GRIK1: variants seen among roughly 807,000 people sequenced by gnomAD.
GRIK1 encodes glutamate receptor ionotropic, kainate 1.
In GRIK1, 69 loss-of-function variants were observed where a neutral mutation model predicts 105.7. The ratio of observed to expected loss-of-function variants is 0.65; its 90% CI spans 0.54 to 0.80. The LOEUF is 0.80. Among genes scored for constraint, GRIK1 ranks in the 30% least tolerant of loss-of-function variants. The pLI is 0.00. For missense variants in GRIK1, 1,109 were observed against 1,167.3 expected (o/e 0.95, Z 0.73); for synonymous variants, 438 against 431.3 (o/e 1.02, Z -0.19).
At chr21:29,811,689 T>C (rs115668416) in intron 1 of GRIK1, among the ~76,000 whole-genome samples, 234 of 152,238 alleles carry the variant, frequency 1.5e-3, no homozygotes, top group African/African-American at 5.5e-3. Context: ...GGAATCTTGC[T>C]CATCCTCACT....
At chr21:29,809,904 C>G (rs1158583820) in intron 1 of GRIK1, among the ~76,000 whole-genome samples, 4 of 152,126 alleles carry the variant, frequency 2.6e-5, no homozygotes, top group Non-Finnish European at 4.4e-5. Context: ...AATGGAGGAA[C>G]AGCCGGTCAG....
chr21:29,577,171 C>T lies in GRIK1; in HGVS notation c.1923G>A (p.Leu641=), dbSNP rs2146240398. Residue 641 remains leucine (L), a synonymous_variant, in exon 14 of 18, where the codon CTG becomes CTA. Transcript: ENST00000327783. ...VGALMQQGSE[L]MPKALSTRIV... ...TTCTGGTCGATAGAGCTTTGGGCAT[C>T]AGCTCTGATCCTGTGATGGTATCAT... is the stretch of plus-strand genomic sequence containing the variant. The T allele has an allele frequency of 6.3e-7, 1 of 1,583,132 alleles. No homozygotes were observed. Among genetic ancestry groups the T allele is most frequent in the Non-Finnish European group, 8.7e-7 (1 of 1,151,926 alleles).
intron 1 of GRIK1, chr21:29,748,426 C>T (rs2065099148): frequency 6.6e-6 from 1 of 152,182 alleles, no homozygotes; most frequent in Non-Finnish European, 1.5e-5. Context: ...CTGGAAATTT[C>T]CTGAGTAGCT....
chr21:29,647,166 A>G, intron 6 of GRIK1, among the ~76,000 whole-genome samples: 1 of 152,168 alleles, frequency 6.6e-6, no homozygotes, highest in East Asian at 1.9e-4. Context: ...ATTGACTACA[A>G]ATGGGCAAAA....
At chr21:29,588,463 A>T (rs2061279380) in intron 11 of GRIK1, among the ~76,000 whole-genome samples, 1 of 152,076 alleles carries the variant, frequency 6.6e-6, no homozygotes, top group African/African-American at 2.4e-5. Context: ...AGTGTCTAGC[A>T]TCTCCCCTGC....
At chr21:29,836,348 A>G (rs1601816674) in intron 1 of GRIK1, among the ~76,000 whole-genome samples, 1 of 152,216 alleles carries the variant, frequency 6.6e-6, no homozygotes, top group Non-Finnish European at 1.5e-5. Context: ...AGAAATGCTT[A>G]TGATACACAG....
intron 6 of GRIK1, among the ~76,000 whole-genome samples, chr21:29,645,394 A>G (rs1162989373): frequency 1.3e-5 from 2 of 152,196 alleles, no homozygotes; most frequent in Non-Finnish European, 2.9e-5. Flanking sequence ...AATTCGCTGA[A>G]TGACCAATTT....
chr21:29,764,340 CCCTT>C (rs1206901721), intron 1 of GRIK1, among the ~76,000 whole-genome samples: 1 of 152,168 alleles, frequency 6.6e-6, no homozygotes, highest in Non-Finnish European at 1.5e-5. Context: ...TTTATTTCCT[CCCTT>C]AGCAGTGTGG....
chr21:29,797,519 C>T (rs2066592477), intron 1 of GRIK1, among the ~76,000 whole-genome samples: 1 of 152,164 alleles, frequency 6.6e-6, no homozygotes, highest in African/African-American at 2.4e-5. Flanking sequence ...TATATGCACC[C>T]TCTCAGTTTT....
chr21:29,792,844 A>T (rs1157129477), intron 1 of GRIK1, among the ~76,000 whole-genome samples: 1 of 152,236 alleles, frequency 6.6e-6, no homozygotes, highest in African/African-American at 2.4e-5. Context: ...CCAAATGTAA[A>T]TGTATAGCAC....
In GRIK1 at chr21:29,663,938, T is replaced by C. The variant is rs750106471; in HGVS notation, c.726+9045A>G. 2.6e-5 allele frequency among the ~76,000 whole-genome samples: 4 copies of C among 152,036 alleles called. No individual in the cohort carries two copies. In the East Asian group the frequency reaches 5.8e-4, roughly 22 times the overall value. On this transcript the variant is annotated intron_variant, in intron 4 of 17. Transcript: ENST00000327783. ...CAATTATATTAGTGGAGAAGGAAGA[T>C]GATGAGAGATAGAGAAAAGGAGATT...
chr21:29,716,556 A>T (rs964416287), intron 1 of GRIK1, among the ~76,000 whole-genome samples: 3 of 152,176 alleles, frequency 2.0e-5, no homozygotes, highest in Non-Finnish European at 4.4e-5. Flanking sequence ...GGAGATGCGG[A>T]ACTTCTTGAG....
intron 13 of GRIK1, among the ~76,000 whole-genome samples, chr21:29,579,552 AC>A (rs1224575024): frequency 2.0e-5 from 3 of 152,204 alleles, no homozygotes; most frequent in Non-Finnish European, 4.4e-5. Flanking sequence ...AAAAAATTCA[AC>A]AAAATGTTTT....
intron 7 of GRIK1, among the ~76,000 whole-genome samples, chr21:29,616,783 A>G (rs2061860682): frequency 1.3e-5 from 2 of 152,254 alleles, no homozygotes; most frequent in African/African-American, 2.4e-5. Context: ...TGAGTGAGAA[A>G]AAAAACTGCT....
At chr21:29,655,191 A>G (rs113135187) in intron 4 of GRIK1, among the ~76,000 whole-genome samples, 2 of 152,186 alleles carry the variant, frequency 1.3e-5, no homozygotes, top group African/African-American at 2.4e-5. Flanking sequence ...GGTGGATCAC[A>G]TGAGGTCAGG....
At chr21:29,818,989 G>A (rs1262365616) in intron 1 of GRIK1, among the ~76,000 whole-genome samples, 2 of 151,946 alleles carry the variant, frequency 1.3e-5, no homozygotes, top group Admixed American at 6.6e-5. Context: ...TCCTTAACTG[G>A]CCCTAATATC....
chr21:29,585,465 CT>C (rs2091110664), intron 12 of GRIK1, among the ~76,000 whole-genome samples: 1 of 152,122 alleles, frequency 6.6e-6, no homozygotes, highest in African/African-American at 2.4e-5. Flanking sequence ...CTCCTACTGG[CT>C]TTGGTCAAGT....
intron 1 of GRIK1, among the ~76,000 whole-genome samples, chr21:29,912,022 A>G (rs890597294): frequency 1.3e-5 from 2 of 152,060 alleles, no homozygotes; most frequent in Non-Finnish European, 2.9e-5. Flanking sequence ...GTCCTCAGCT[A>G]AGAAATACAC....
Position 29,537,820 on chromosome 21 carries a change from T to G in GRIK1, c.2672A>C (p.Lys891Thr). The G allele has an allele frequency of 1.3e-6, 2 of 1,527,014 alleles. No homozygotes were observed. The highest frequency in any genetic ancestry group is 1.8e-6 in the Non-Finnish European group (2 of 1,101,958). The allele number at this position is 1,527,014 out of a possible 1,614,324, so 94.6% of individuals were successfully genotyped here. Residue 891 changes from lysine to threonine, a missense_variant, in exon 17 of 18, where the codon AAA becomes ACA. By Grantham distance (78) the Lys-to-Thr change is moderately conservative. This residue lies in a region of GRIK1 where 161 missense variants were observed against 143.4 expected (regional missense o/e 1.12). Coordinates refer to ENST00000327783, the MANE Select transcript of GRIK1 (RefSeq NM_001330994.2). ...AACCTTCTCTACACCAAGGCTTTGT[T>G]TTTTTCTCCCATGAAACCTTACTTT... is the stretch of plus-strand genomic sequence containing the variant. Reference protein sequence around the residue: ...RNKVRFHGRKKQSLGVEKCLS... With the variant: ...RNKVRFHGRKTQSLGVEKCLS...
Sources: gnomAD v4.1 joint callset for allele counts (sites outside exome capture counted in the v4.1 genomes callset) on GRCh38, gnomAD v4.1.1 for gene constraint, gnomAD v4.1.1 regional missense constraint, MANE v1.5 for transcripts, NCBI Gene and HGNC (gene_info 2026-07-23, HGNC 2026-07-21) for gene names.